The following PRKAG2 variants were observed in gnomAD, a reference collection of about 807,000 sequenced individuals.
PRKAG2 encodes the protein 5'-AMP-activated protein kinase subunit gamma-2.
In PRKAG2, 26 loss-of-function variants were observed where a neutral mutation model predicts 69.6. The ratio of observed to expected loss-of-function variants is 0.37; its 90% CI spans 0.27 to 0.52. The LOEUF (loss-of-function observed/expected upper bound fraction) is 0.52, where lower values mean the gene tolerates loss of function less well. Among genes scored for constraint, PRKAG2 ranks in the 20% least tolerant of loss-of-function variants. The pLI is 0.90. For synonymous variants in PRKAG2, 293 were observed against 285.0 expected (o/e 1.03, Z -0.28); for missense variants, 557 against 740.0 (o/e 0.75, Z 2.87).
intron 1 of PRKAG2, among the ~76,000 whole-genome samples, chr7:151,818,509 C>T (rs759893729): frequency 4.0e-4 from 61 of 152,376 alleles, no homozygotes; most frequent in Middle Eastern, 3.4e-3. Flanking sequence ...GAGCCAATCT[C>T]GGCACCAGGC....
intron 6 of PRKAG2, among the ~76,000 whole-genome samples, chr7:151,591,869 ACT>A (rs1459612878): frequency 6.6e-6 from 1 of 151,770 alleles, no homozygotes; most frequent in Non-Finnish European, 1.5e-5. Context: ...GCAGATAATG[ACT>A]CTCCCGCTGG....
At chr7:151,687,540 C>T (rs1429009499) in intron 3 of PRKAG2, among the ~76,000 whole-genome samples, 2 of 152,228 alleles carry the variant, frequency 1.3e-5, no homozygotes, top group African/African-American at 4.8e-5. Flanking sequence ...TGGAGATGAA[C>T]TCTGCCGAAT....
intron 4 of PRKAG2, among the ~76,000 whole-genome samples, chr7:151,661,488 T>C (rs1272664966): frequency 6.6e-6 from 1 of 152,210 alleles, no homozygotes; most frequent in East Asian, 1.9e-4. Flanking sequence ...CGGGCAGAGC[T>C]GTAGAAATCG....
Position 151,564,237 on chromosome 7 carries a change from A to C in PRKAG2, c.1438-13T>G, listed in dbSNP as rs891087640. 1.2e-6 allele frequency: 2 copies of C among 1,613,776 alleles called. No homozygotes were observed. Among genetic ancestry groups the C allele is most frequent in the African/African-American group, 1.3e-5 (1 of 74,930 alleles). Reference sequence around the variant, plus strand: ...CAGCAGCAAGATTCTGTAATGAAGCAAGAGAATAAATTATATCCTTTCATT... The same window carrying C: ...CAGCAGCAAGATTCTGTAATGAAGCCAGAGAATAAATTATATCCTTTCATT... On this transcript the variant is annotated splice_polypyrimidine_tract_variant and intron_variant, in intron 13 of 15. Transcript: ENST00000287878.
intron 4 of PRKAG2, among the ~76,000 whole-genome samples, chr7:151,652,514 TTTTTC>T (rs1266503734): frequency 6.6e-6 from 1 of 152,050 alleles, no homozygotes; most frequent in African/African-American, 2.4e-5. Flanking sequence ...TGGTAAATTC[TTTTTC>T]TTTTTTCTTT....
intron 3 of PRKAG2, among the ~76,000 whole-genome samples, chr7:151,720,734 G>T (rs2151639225): frequency 1.1e-5 from 1 of 88,776 alleles, no homozygotes. Context: ...GAATGGAGGG[G>T]ATGGAGGGGG....
intron 10 of PRKAG2, 96 bp downstream of exon 10, chr7:151,570,075 A>T: frequency 7.0e-7 from 1 of 1,424,424 alleles, no homozygotes; most frequent in East Asian, 2.3e-5. Flanking sequence ...CCTGTTTGGA[A>T]TGAAGAACAT....
intron 3 of PRKAG2, among the ~76,000 whole-genome samples, chr7:151,685,795 G>T (rs1193464775): frequency 6.6e-6 from 1 of 151,868 alleles, no homozygotes; most frequent in South Asian, 2.1e-4. Context: ...TTCTAATATG[G>T]TGAATATTGA....
intron 3 of PRKAG2, among the ~76,000 whole-genome samples, chr7:151,684,844 T>C (rs915533707): frequency 7.2e-5 from 11 of 152,144 alleles, no homozygotes; most frequent in Non-Finnish European, 1.5e-4. Flanking sequence ...TCAGCCACAA[T>C]GCACTCTGGA....
chr7:151,744,355 T>C (rs2074125978), intron 3 of PRKAG2, among the ~76,000 whole-genome samples: 1 of 152,124 alleles, frequency 6.6e-6, no homozygotes, highest in Admixed American at 6.5e-5. Context: ...CCTTATCGCC[T>C]GGTGAATGGG....
chr7:151,772,984 TGAAAGAAA>T (rs1257330966), intron 3 of PRKAG2, among the ~76,000 whole-genome samples: 30 of 71,832 alleles, frequency 4.2e-4, no homozygotes, highest in African/African-American at 1.5e-3. Context: ...TCTAAATGAA[TGAAAGAAA>T]GAAAGAAAGA....
chr7:151,704,428 C>T (rs773690566), intron 3 of PRKAG2, among the ~76,000 whole-genome samples: 2 of 152,194 alleles, frequency 1.3e-5, no homozygotes, highest in Non-Finnish European at 2.9e-5. Context: ...TTGTGAGATG[C>T]AGCCACACTG....
chr7:151,621,441 G>A (rs1453162492), intron 5 of PRKAG2, among the ~76,000 whole-genome samples: 2 of 152,124 alleles, frequency 1.3e-5, no homozygotes, highest in Admixed American at 6.6e-5. Flanking sequence ...TCAGCACTTC[G>A]GGAGGCTGAT....
At chr7:151,592,975 T>TA (rs1813594778) in intron 6 of PRKAG2, among the ~76,000 whole-genome samples, 1 of 152,194 alleles carries the variant, frequency 6.6e-6, no homozygotes, top group Non-Finnish European at 1.5e-5. Flanking sequence ...CCTCTCAACT[T>TA]AGAGGCTCAC....
intron 5 of PRKAG2, among the ~76,000 whole-genome samples, chr7:151,617,322 A>T (rs1187832448): frequency 7.0e-6 from 1 of 143,598 alleles, no homozygotes; most frequent in African/African-American, 2.8e-5. Flanking sequence ...GAGGGAGGGC[A>T]CATTGCTTCG....
rs958541708 is a variant in PRKAG2 at position 151,638,160 on chromosome 7, G to C, written c.685-6022C>G. 5.3e-5 allele frequency among the ~76,000 whole-genome samples: 8 copies of C among 152,144 alleles called. No homozygotes were observed. The highest frequency in any genetic ancestry group is 1.0e-4 in the Non-Finnish European group (7 of 68,022). On this transcript the variant is annotated intron_variant, in intron 4 of 15. Coordinates refer to ENST00000287878, the MANE Select transcript of PRKAG2 (RefSeq NM_016203.4). This position sits in a 1 kb window ranked among gnomAD's most constrained non-coding sequence, Gnocchi z 4.3. ...CCATGGCAGGGAGGAACTGGGTTCT[G>C]CTAACAGCCTGGCACAGTTCCACCA...
At chr7:151,591,701 GC>G (rs1156682801) in intron 6 of PRKAG2, among the ~76,000 whole-genome samples, 1 of 152,118 alleles carries the variant, frequency 6.6e-6, no homozygotes, top group Admixed American at 6.5e-5. Flanking sequence ...GCACGATCAG[GC>G]ATGTGGCAAG....
At chr7:151,627,761 C>T (rs976824475) in intron 5 of PRKAG2, among the ~76,000 whole-genome samples, 2 of 152,170 alleles carry the variant, frequency 1.3e-5, no homozygotes, top group African/African-American at 4.8e-5. Flanking sequence ...CACATGCGCT[C>T]GGGTGATCCT....
intron 3 of PRKAG2, among the ~76,000 whole-genome samples, chr7:151,759,817 C>G (rs1256406090): frequency 6.6e-6 from 1 of 152,256 alleles, no homozygotes; most frequent in African/African-American, 2.4e-5. Flanking sequence ...CCGACCTACT[C>G]TCTCACCCAG....
Sources: gnomAD v4.1 joint callset for allele counts (sites outside exome capture counted in the v4.1 genomes callset) on GRCh38, gnomAD v4.1.1 for gene constraint, Gnocchi (gnomAD v3.1) non-coding constraint, MANE v1.5 for transcripts, NCBI Gene and HGNC (gene_info 2026-07-23, HGNC 2026-07-21) for gene names.